The following SUSD4 variants were observed in gnomAD, a reference collection of about 807,000 sequenced individuals.
SUSD4 encodes sushi domain containing 4.
SUSD4 carries 41 observed loss-of-function variants against 50.5 expected under a neutral mutation model. That is an observed-to-expected ratio of 0.81 (90% confidence interval 0.63 to 1.05). SUSD4 has a LOEUF of 1.05. Ranked by LOEUF, SUSD4 falls within the 50% of genes least tolerant of loss-of-function variation. SUSD4 has a pLI of 0.00. For synonymous variants in SUSD4, 257 were observed against 257.3 expected (o/e 1.00, Z 0.01); for missense variants, 580 against 634.7 (o/e 0.91, Z 0.93).
At chr1:223,224,862 CTTTTTTTTTTTTT>C (rs11345619) in intron 7 of SUSD4, among the ~76,000 whole-genome samples, 3 of 59,234 alleles carry the variant, frequency 5.1e-5, no homozygotes, top group Non-Finnish European at 6.0e-5. Context: ...TGGTTTCTTC[CTTTTTTTTTTTTT>C]TTTTTTTTTT....
At chr1:223,310,024 C>T (rs1427114515) in intron 2 of SUSD4, among the ~76,000 whole-genome samples, 3 of 152,122 alleles carry the variant, frequency 2.0e-5, no homozygotes, top group African/African-American at 7.2e-5. Context: ...CACTGATGGC[C>T]CATTGGTGAT....
At chr1:223,341,594 G>A (rs992708892) in intron 2 of SUSD4, among the ~76,000 whole-genome samples, 14 of 152,134 alleles carry the variant, frequency 9.2e-5, no homozygotes, top group African/African-American at 3.1e-4. Context: ...TCCACTGACG[G>A]GGCACCCAAG....
intron 3 of SUSD4, among the ~76,000 whole-genome samples, chr1:223,283,106 T>C (rs1425403975): frequency 6.6e-6 from 1 of 152,186 alleles, no homozygotes; most frequent in Non-Finnish European, 1.5e-5. Context: ...ACTTAAATAT[T>C]AGACCTAAAA....
At chr1:223,329,593 T>C (rs1293476658) in intron 2 of SUSD4, among the ~76,000 whole-genome samples, 1 of 152,228 alleles carries the variant, frequency 6.6e-6, no homozygotes, top group Non-Finnish European at 1.5e-5. Flanking sequence ...GATTTGGCTC[T>C]GCATCCCTAA....
At chr1:223,223,991 C>T (rs1659319382) in intron 7 of SUSD4, among the ~76,000 whole-genome samples, 1 of 152,230 alleles carries the variant, frequency 6.6e-6, no homozygotes, top group East Asian at 1.9e-4. Flanking sequence ...TCTAACAGAG[C>T]AGCCCAGTGC....
At chr1:223,267,829 C>A (rs1662598180) in intron 4 of SUSD4, among the ~76,000 whole-genome samples, 1 of 151,686 alleles carries the variant, frequency 6.6e-6, no homozygotes, top group Non-Finnish European at 1.5e-5. Context: ...CTTCTTGGTT[C>A]TTTGGTCGAA....
chr1:223,270,334 C>T (rs768236704), intron 3 of SUSD4, among the ~76,000 whole-genome samples: 5 of 152,122 alleles, frequency 3.3e-5, no homozygotes, highest in Admixed American at 6.5e-5. Context: ...ACACACCTGG[C>T]GAAAGAGTGC....
intron 2 of SUSD4, among the ~76,000 whole-genome samples, chr1:223,328,835 T>C (rs1034217278): frequency 6.6e-5 from 10 of 152,174 alleles, no homozygotes; most frequent in African/African-American, 2.2e-4. Flanking sequence ...AGGGTTAAAT[T>C]TGGCTCCCTA....
chr1:223,253,372 A>G (rs1158403307), intron 5 of SUSD4, among the ~76,000 whole-genome samples: 1 of 152,184 alleles, frequency 6.6e-6, no homozygotes, highest in Non-Finnish European at 1.5e-5. Flanking sequence ...GAACATAGGC[A>G]TGATGGTTAC....
chr1:223,244,650 C>T (rs542858237), intron 5 of SUSD4, among the ~76,000 whole-genome samples: 2 of 152,194 alleles, frequency 1.3e-5, no homozygotes, highest in African/African-American at 2.4e-5. Flanking sequence ...GAACTGGTGA[C>T]TAAAATCTGC....
chr1:223,288,027 T>C (rs571961195), intron 3 of SUSD4, among the ~76,000 whole-genome samples: 3 of 152,328 alleles, frequency 2.0e-5, no homozygotes, highest in African/African-American at 7.2e-5. Flanking sequence ...ACCCTGAATC[T>C]ACCCAGGTGC....
At chr1:223,317,709 TTTA>T (rs1483066355) in intron 2 of SUSD4, among the ~76,000 whole-genome samples, 4 of 152,060 alleles carry the variant, frequency 2.6e-5, no homozygotes, top group African/African-American at 9.7e-5. Context: ...CAAAAGGAAA[TTTA>T]TTATTATATT....
intron 2 of SUSD4, among the ~76,000 whole-genome samples, chr1:223,305,193 T>G (rs370513323): frequency 6.6e-6 from 1 of 152,074 alleles, no homozygotes; most frequent in African/African-American, 2.4e-5. Flanking sequence ...CAGCCTTTCA[T>G]GCACAGACAG....
intron 2 of SUSD4, among the ~76,000 whole-genome samples, chr1:223,345,633 C>T (rs182492092): frequency 5.3e-5 from 8 of 152,332 alleles, no homozygotes; most frequent in Admixed American, 2.0e-4. Flanking sequence ...ACATTTATAA[C>T]GCCGACGTCC....
At chr1:223,276,217 G>T (rs1194001053) in intron 3 of SUSD4, among the ~76,000 whole-genome samples, 1 of 152,192 alleles carries the variant, frequency 6.6e-6, no homozygotes, top group Non-Finnish European at 1.5e-5. Flanking sequence ...TGGTGTTCAG[G>T]GTTGCTAACA....
rs892886159 is a variant in SUSD4, at chr1:223,227,862, C to T, written c.917-124G>A. ...GATGCGTGCAAGGTGCCTCTGACCC[C>T]CAGGGCTCGGCAGAGATACCATGTG... On this transcript the variant is annotated intron_variant, in intron 6 of 8. Coordinates refer to ENST00000366878, the MANE Select transcript of SUSD4 (RefSeq NM_017982.4). This position sits in a 1 kb window ranked among gnomAD's most constrained non-coding sequence, Gnocchi z 4.5. 3 of 1,288,236 alleles carry T rather than the reference C, an allele frequency of 2.3e-6. No homozygotes were observed. The highest frequency in any genetic ancestry group is 3.2e-6 in the Non-Finnish European group (3 of 946,048). The allele number at this position is 1,288,236 out of a possible 1,614,324, so 79.8% of individuals were successfully genotyped here.
chr1:223,295,340 A>C (rs1439772223), intron 2 of SUSD4, among the ~76,000 whole-genome samples: 5 of 152,202 alleles, frequency 3.3e-5, no homozygotes, highest in Non-Finnish European at 7.3e-5. Context: ...AGAGCCCTGA[A>C]ACCTGGGTAA....
chr1:223,228,114 G>A (rs1038770646), intron 6 of SUSD4, among the ~76,000 whole-genome samples: 1 of 152,160 alleles, frequency 6.6e-6, no homozygotes, highest in Non-Finnish European at 1.5e-5. Context: ...TGGGAAGCTG[G>A]GCCCTTTGTG....
chr1:223,260,002 A>C (rs851194), intron 5 of SUSD4, among the ~76,000 whole-genome samples: 60,653 of 151,986 alleles, frequency 0.4, 12,346 homozygotes, highest in Non-Finnish European at 0.44. Context: ...GGAGACAGAA[A>C]AGACAGAAAC....
Sources: allele counts gnomAD v4.1 joint callset (sites outside exome capture counted in the v4.1 genomes callset), GRCh38; gene constraint gnomAD v4.1.1; non-coding constraint Gnocchi (gnomAD v3.1); transcripts MANE v1.5; gene names NCBI Gene and HGNC (gene_info 2026-07-23, HGNC 2026-07-21).